Variants in AIPL1 observed in about 807,000 individuals in gnomAD.
AIPL1 encodes the protein AIP like 1 HSP90 co-chaperone.
AIPL1 carries 23 observed loss-of-function variants against 32.9 expected under a neutral mutation model. That is an observed-to-expected ratio of 0.70 (90% CI 0.50 to 0.99). The LOEUF (loss-of-function observed/expected upper bound fraction) is 0.99. AIPL1 is among the 50% of genes least tolerant of loss of function. The pLI, the probability that AIPL1 is intolerant of heterozygous loss-of-function variation, is 0.00. For missense variants in AIPL1, 485 were observed against 506.0 expected (o/e 0.96, Z 0.40); for synonymous variants, 210 against 209.4 (o/e 1.00, Z -0.02).
intron 2 of AIPL1, among the ~76,000 whole-genome samples, chr17:6,430,702 G>A (rs1210185458): frequency 1.3e-5 from 2 of 152,118 alleles, no homozygotes; most frequent in African/African-American, 4.8e-5. Flanking sequence ...ATGGAGAGGG[G>A]GCTCTTAGTG....
At position 6,426,956 on chromosome 17, in the gene AIPL1, G is replaced by A. The variant is rs755976438; in HGVS notation, c.567C>T (p.Phe189=). ...PVLHGEGNRL[F]KLGRYEEASS... is the part of the protein sequence containing the mutation. Reference sequence around the variant, plus strand: ...AGGCCTCCTCGTAGCGGCCCAGCTTGAAGAGCCGATTTCCCTCTCCGTGGA... The same window carrying A: ...AGGCCTCCTCGTAGCGGCCCAGCTTAAAGAGCCGATTTCCCTCTCCGTGGA... Residue 189 remains phenylalanine (F), a synonymous_variant, in exon 4 of 6, where the codon TTC becomes TTT. Coordinates refer to ENST00000381129, the MANE Select transcript of AIPL1 (RefSeq NM_014336.5). 4 of 1,614,222 alleles carry A rather than the reference G, an allele frequency of 2.5e-6. No individual in the cohort carries two copies. Among genetic ancestry groups the A allele is most frequent in the Admixed American group, 1.7e-5 (1 of 60,032 alleles).
intron 2 of AIPL1, among the ~76,000 whole-genome samples, chr17:6,429,450 T>G (rs969832980): frequency 6.6e-6 from 1 of 152,192 alleles, no homozygotes. Flanking sequence ...TGCCTCTTTA[T>G]GGAAGAGACA....
At chr17:6,428,553 C>T in intron 2 of AIPL1, 47 bp from the exon 3 acceptor site, 1 of 1,586,332 alleles carries the variant, frequency 6.3e-7, no homozygotes, top group Non-Finnish European at 8.6e-7. Flanking sequence ...CTGCCCAGAG[C>T]TAGGTGGGCC....
intron 5 of AIPL1, 61 bp from the exon 6 acceptor site, chr17:6,425,891 C>T (rs914617903): frequency 4.7e-5 from 74 of 1,571,244 alleles, no homozygotes; most frequent in Non-Finnish European, 6.0e-5. Context: ...GCAGCCCCAG[C>T]CCAGCTGGGA....
chr17:6,425,585 C>CGGGTGGCTCTGT lies in AIPL1; in HGVS notation c.1018_1029dup (p.Thr340_Pro343dup). On this transcript the variant is annotated inframe_insertion, in exon 6 of 6. Coordinates refer to ENST00000381129, the MANE Select transcript of AIPL1 (RefSeq NM_014336.5). ...GCAGGTGGCTCTGTGGATGACTGTG[C>CGGGTGGCTCTGT]GGGTGGCTCTGTGGGTGGCTCTGCG... The CGGGTGGCTCTGT allele has an allele frequency of 6.2e-7, 1 of 1,613,054 alleles. No individual in the cohort carries two copies. The highest frequency in any genetic ancestry group is 8.5e-7 in the Non-Finnish European group (1 of 1,179,746).
chr17:6,427,810 CT>C (rs5819114), intron 3 of AIPL1, among the ~76,000 whole-genome samples: 81,654 of 144,724 alleles, frequency 0.56, 24,031 homozygotes, highest in Middle Eastern at 0.76. Flanking sequence ...TCCAAGTGGA[CT>C]TTTTTTTTTT....
rs534973547 is a variant in AIPL1, at chr17:6,423,992, G to C, written c.*1468C>G. On this transcript the variant is annotated 3_prime_UTR_variant, in exon 6 of 6. Coordinates refer to ENST00000381129, the MANE Select transcript of AIPL1 (RefSeq NM_014336.5). ...TACGTGGCCCTGGGCTGGATACTTC[G>C]TCGCCCCCCTGCCCCACCCCACACA... 6.6e-6 allele frequency: 1 copy of C among 152,250 alleles called. No individual in the cohort carries two copies. Among genetic ancestry groups the C allele is most frequent in the African/African-American group, 2.4e-5 (1 of 41,464 alleles). 9.4% of individuals were successfully genotyped at this position (152,250 alleles called of 1,614,324 possible).
rs765435117 is a variant in AIPL1 at position 6,426,946 on chromosome 17, G to C, written c.577C>G (p.Arg193Gly). 7 of 1,614,182 alleles carry C rather than the reference G, an allele frequency of 4.3e-6. No homozygotes were observed. The East Asian group carries it at 1.6e-4, about 36-fold the overall frequency. ...TACTTGGAAGAGGCCTCCTCGTAGC[G>C]GCCCAGCTTGAAGAGCCGATTTCCC... ...GEGNRLFKLG[R>G]YEEASSKYQE... Residue 193 changes from arginine to glycine, a missense_variant, in exon 4 of 6, where the codon CGC becomes GGC. Transcript: ENST00000381129.
intron 2 of AIPL1, among the ~76,000 whole-genome samples, chr17:6,428,900 C>A (rs1324210879): frequency 6.6e-6 from 1 of 152,196 alleles, no homozygotes; most frequent in Non-Finnish European, 1.5e-5. Context: ...CCCAGGGAAA[C>A]CCTGACCTCT....
In AIPL1 at chr17:6,425,300, T is replaced by G; in HGVS notation, c.*160A>C. The G allele has an allele frequency of 4.4e-6, 4 of 902,956 alleles. No homozygotes were observed. Among genetic ancestry groups the G allele is most frequent in the Non-Finnish European group, 4.7e-6 (3 of 640,860 alleles). The allele number at this position is 902,956 out of a possible 1,614,324, so 55.9% of individuals were successfully genotyped here. A position where few individuals can be genotyped will look rare whatever the true frequency, so the allele number is the denominator to read the frequency against. On this transcript the variant is annotated 3_prime_UTR_variant, in exon 6 of 6. Transcript: ENST00000381129. ...TTATTCATAAGCTCTTCTGTACCCT[T>G]GGGATTGTTTTTTTTTTTTTTTTTA...
intron 1 of AIPL1, 136 bp from the exon 2 acceptor site, chr17:6,434,234 C>G: frequency 1.0e-6 from 1 of 993,422 alleles, no homozygotes; most frequent in Non-Finnish European, 1.5e-6. Context: ...CCTCAGACCC[C>G]TGGAGCACCT....
At position 6,428,526 on chromosome 17, in the gene AIPL1, G is replaced by A; in HGVS notation, c.277-20C>T. 8 of 1,610,940 alleles carry A rather than the reference G, an allele frequency of 5.0e-6. No individual in the cohort carries two copies. Among genetic ancestry groups the A allele is most frequent in the African/African-American group, 1.3e-5 (1 of 75,010 alleles). ...CGTGTGCTGTGGGGATAAACGGATGGATGGCATCCAGGCTACCTGCCCAGA... is the reference window on the plus strand; with the variant it reads ...CGTGTGCTGTGGGGATAAACGGATGAATGGCATCCAGGCTACCTGCCCAGA... On this transcript the variant is annotated intron_variant, in intron 2 of 5. Transcript: ENST00000381129.
chr17:6,434,684 G>A (rs969653682), intron 1 of AIPL1, among the ~76,000 whole-genome samples: 1 of 152,134 alleles, frequency 6.6e-6, no homozygotes, highest in African/African-American at 2.4e-5. Flanking sequence ...AGCCACAGAC[G>A]CACCCTTCAG....
Position 6,428,302 on chromosome 17 carries a change from C to T in AIPL1, c.465+16G>A. On this transcript the variant is annotated intron_variant, in intron 3 of 5. Coordinates refer to ENST00000381129, the MANE Select transcript of AIPL1 (RefSeq NM_014336.5). ...GTGCTGGCACAGCCCTCCAGCCCTG[C>T]CAACCCCAGCCCCACCTGCAGCAGC... is the stretch of plus-strand genomic sequence containing the variant. 6.2e-7 allele frequency: 1 copy of T among 1,604,778 alleles called. No individual in the cohort carries two copies.
Position 6,434,064 on chromosome 17 carries a change from T to C in AIPL1, c.131A>G (p.Glu44Gly). Residue 44 changes from glutamate (E) to glycine (G), a missense_variant, in exon 2 of 6, where the codon GAG becomes GGG. Physicochemically the swap from Glu to Gly is moderately conservative, Grantham distance 98. Transcript: ENST00000381129. Reference sequence around the variant, plus strand: ...ACTGTCGTCAATGACTGTCCGCTCCTCATCACATTTCATGGTGCGGAAATG... The same window carrying C: ...ACTGTCGTCAATGACTGTCCGCTCCCCATCACATTTCATGGTGCGGAAATG... ...IFHFRTMKCD[E>G]ERTVIDDSRQ... The C allele has an allele frequency of 6.2e-7, 1 of 1,614,034 alleles. No individual in the cohort carries two copies. Among genetic ancestry groups the C allele is most frequent in the Non-Finnish European group, 8.5e-7 (1 of 1,180,024 alleles).
intron 2 of AIPL1, among the ~76,000 whole-genome samples, 190 bp from the exon 3 acceptor site, chr17:6,428,696 C>T (rs1205020870): frequency 1.3e-5 from 2 of 152,232 alleles, no homozygotes; most frequent in Non-Finnish European, 1.5e-5. Flanking sequence ...ATCCTTATGA[C>T]AATTCAAGGC....
At chr17:6,431,935 C>G (rs963604864) in intron 2 of AIPL1, among the ~76,000 whole-genome samples, 3 of 152,180 alleles carry the variant, frequency 2.0e-5, no homozygotes, top group Non-Finnish European at 4.4e-5. Context: ...TCTTATCAGG[C>G]CCTCTAGACC....
chr17:6,430,768 C>T lies in AIPL1; in HGVS notation c.277-2262G>A, dbSNP rs1379308928. ...AAGTACAGGAGCCCCTCACTCTAAGCAAAGTCAATAGATATATTTTTAAAC... is the reference window on the plus strand; with the variant it reads ...AAGTACAGGAGCCCCTCACTCTAAGTAAAGTCAATAGATATATTTTTAAAC... On this transcript the variant is annotated intron_variant, in intron 2 of 5. Coordinates refer to ENST00000381129, the MANE Select transcript of AIPL1 (RefSeq NM_014336.5). Among the ~76,000 whole-genome samples the T allele has an allele frequency of 2.0e-5, 3 of 152,104 alleles. No homozygotes were observed. The East Asian group carries it at 5.8e-4, about 29-fold the overall frequency.
chr17:6,431,307 A>AT (rs34951167), intron 2 of AIPL1, among the ~76,000 whole-genome samples: 35,748 of 150,836 alleles, frequency 0.24, 4,431 homozygotes, highest in Middle Eastern at 0.41. Flanking sequence ...AAAAAAAAAA[A>AT]AGCCAGGTGT....
Sources: allele counts gnomAD v4.1 joint callset (sites outside exome capture counted in the v4.1 genomes callset), GRCh38; gene constraint gnomAD v4.1.1; transcripts MANE v1.5; gene names NCBI Gene and HGNC (gene_info 2026-07-23, HGNC 2026-07-21).